GADL1: variants seen among roughly 807,000 people sequenced by gnomAD.
The protein encoded by GADL1 is acidic amino acid decarboxylase GADL1.
Under a neutral mutation model 69.5 loss-of-function variants are expected in GADL1, and 71 were observed. The observed-to-expected ratio is 1.02, with a 90% CI of 0.84 to 1.25. The LOEUF (loss-of-function observed/expected upper bound fraction) is 1.25. Ranked by LOEUF, GADL1 falls within the 50% of genes most tolerant of loss-of-function variation. GADL1 has a pLI of 0.00. For synonymous variants in GADL1, 254 were observed against 214.4 expected, an observed-to-expected ratio of 1.18 and a Z score of -1.62; for missense variants, 737 against 631.8, an observed-to-expected ratio of 1.17 and a Z score of -1.79.
intron 11 of GADL1, among the ~76,000 whole-genome samples, chr3:30,814,739 A>AT (rs1211397704): frequency 3.3e-5 from 5 of 152,136 alleles, no homozygotes; most frequent in Non-Finnish European, 7.4e-5. Context: ...ATTATTCTTG[A>AT]TTAAAAAAAA....
intron 12 of GADL1, among the ~76,000 whole-genome samples, chr3:30,790,389 A>G (rs903695900): frequency 1.3e-5 from 2 of 152,180 alleles, no homozygotes; most frequent in Non-Finnish European, 2.9e-5. Context: ...CCAAAACATA[A>G]CACAGACATA....
intron 1 of GADL1, among the ~76,000 whole-genome samples, chr3:30,869,926 G>A (rs1282775466): frequency 2.0e-5 from 3 of 151,838 alleles, no homozygotes; most frequent in Admixed American, 2.0e-4. Flanking sequence ...AGTTTGATAG[G>A]TGAAGTCAGA....
intron 1 of GADL1, among the ~76,000 whole-genome samples, chr3:30,885,605 T>A (rs1297329475): frequency 6.6e-6 from 1 of 152,038 alleles, no homozygotes; most frequent in Middle Eastern, 3.2e-3. Context: ...TACTTTTAAT[T>A]CCTAGGTGTA....
chr3:30,820,423 T>A (rs896950856), intron 11 of GADL1, among the ~76,000 whole-genome samples: 1 of 152,130 alleles, frequency 6.6e-6, no homozygotes, highest in Non-Finnish European at 1.5e-5. Context: ...AAAATGACAA[T>A]TTATACTGAT....
chr3:30,820,383 A>T (rs1450760734), intron 11 of GADL1, among the ~76,000 whole-genome samples: 1 of 152,134 alleles, frequency 6.6e-6, no homozygotes, highest in Admixed American at 6.6e-5. Context: ...TTATAATTGT[A>T]ACCAATATGA....
intron 12 of GADL1, chr3:30,800,327 T>A (rs1697134128): frequency 6.6e-6 from 1 of 152,596 alleles, no homozygotes; most frequent in Admixed American, 6.5e-5. Context: ...GATAAAACCA[T>A]CAGATCTTGT....
chr3:30,775,732 A>G (rs1215410207), intron 14 of GADL1, among the ~76,000 whole-genome samples: 1 of 152,184 alleles, frequency 6.6e-6, no homozygotes, highest in Non-Finnish European at 1.5e-5. Context: ...TTACTGTATG[A>G]TCATCCATTT....
In GADL1 at chr3:30,844,464, A is replaced by G; in HGVS notation, c.654T>C (p.Cys218=). ...AGGCTGCCTTCTTCATAGAGTAATG[A>G]CACTGAATTCAAAGGGACAGTGGGG... ...PRLILFTSAE[C]HYSMKKAASF... is the part of the protein sequence containing the mutation. Residue 218 remains cysteine (C), a splice_region_variant and synonymous_variant, in exon 7 of 15, where the codon TGT becomes TGC. Transcript: ENST00000282538. The G allele has an allele frequency of 6.2e-7, 1 of 1,604,372 alleles. No homozygotes were observed. The highest frequency in any genetic ancestry group is 1.7e-5 in the Admixed American group (1 of 59,992).
chr3:30,750,980 GAAAGAAGT>G (rs1199999524), intron 14 of GADL1, among the ~76,000 whole-genome samples: 1 of 152,146 alleles, frequency 6.6e-6, no homozygotes, highest in Non-Finnish European at 1.5e-5. Flanking sequence ...TGCTTTGAGA[GAAAGAAGT>G]AAAGAACTAT....
At chr3:30,749,159 G>A (rs1030207153) in intron 14 of GADL1, among the ~76,000 whole-genome samples, 5 of 152,202 alleles carry the variant, frequency 3.3e-5, no homozygotes, top group African/African-American at 1.2e-4. Context: ...CACATGGTCA[G>A]CCTGCCATTT....
chr3:30,868,765 A>T (rs1341043889), intron 1 of GADL1, among the ~76,000 whole-genome samples: 2 of 151,968 alleles, frequency 1.3e-5, no homozygotes, highest in Non-Finnish European at 2.9e-5. Flanking sequence ...GTAAAAGCCA[A>T]GTTTCCCATC....
intron 14 of GADL1, among the ~76,000 whole-genome samples, chr3:30,765,881 C>A (rs1438120003): frequency 6.6e-6 from 1 of 152,156 alleles, no homozygotes; most frequent in African/African-American, 2.4e-5. Flanking sequence ...TCTCTCGCCT[C>A]TAGCTTGACA....
chr3:30,776,637 T>C (rs1011822420), intron 14 of GADL1, among the ~76,000 whole-genome samples: 8 of 152,302 alleles, frequency 5.3e-5, no homozygotes, highest in African/African-American at 1.9e-4. Context: ...GTTTGAGCCA[T>C]GAATAAACAG....
intron 11 of GADL1, among the ~76,000 whole-genome samples, chr3:30,804,532 A>G (rs1001509539): frequency 6.6e-6 from 1 of 150,678 alleles, no homozygotes; most frequent in Non-Finnish European, 1.5e-5. Flanking sequence ...CCACCCCGAT[A>G]TCTCCCTTTA....
Position 30,861,625 on chromosome 3 carries a change from C to A in GADL1, c.178G>T (p.Val60Leu). 6.5e-7 allele frequency: 1 copy of A among 1,549,634 alleles called. No homozygotes were observed. The highest frequency in any genetic ancestry group is 8.7e-7 in the Non-Finnish European group (1 of 1,145,842). Reference sequence around the variant, plus strand: ...TTGACATCTGTAGCTTTCAAAACCACCTCTTCCATTATTAGCCTACAGGCC... The same window carrying A: ...TTGACATCTGTAGCTTTCAAAACCAACTCTTCCATTATTAGCCTACAGGCC... ...EEACRLIMEE[V>L]VLKATDVNEK... The change falls in exon 2 of 15, where the codon GTG becomes TTG. Residue 60 changes from valine (V) to leucine (L), a missense_variant. By Grantham distance (32) the Val-to-Leu change is conservative. Coordinates refer to ENST00000282538, the MANE Select transcript of GADL1 (RefSeq NM_207359.3).
intron 13 of GADL1, among the ~76,000 whole-genome samples, chr3:30,784,093 G>C (rs1696735690): frequency 6.6e-6 from 1 of 152,094 alleles, no homozygotes; most frequent in Non-Finnish European, 1.5e-5. Flanking sequence ...TAGGACTGCT[G>C]TTTCTCCCAT....
intron 1 of GADL1, among the ~76,000 whole-genome samples, chr3:30,872,122 T>C (rs901791287): frequency 6.6e-6 from 1 of 151,946 alleles, no homozygotes; most frequent in Non-Finnish European, 1.5e-5. Flanking sequence ...TCTTTTGAAC[T>C]TCTATAATGG....
chr3:30,765,112 T>C (rs1459878188), intron 14 of GADL1, among the ~76,000 whole-genome samples: 3 of 124,974 alleles, frequency 2.4e-5, no homozygotes, highest in African/African-American at 9.1e-5. Context: ...CTGCTAGATT[T>C]ACGCAAGACA....
chr3:30,768,157 A>G (rs988255950), intron 14 of GADL1, among the ~76,000 whole-genome samples: 3 of 152,104 alleles, frequency 2.0e-5, no homozygotes, highest in African/African-American at 7.2e-5. Flanking sequence ...TACAAAGCTA[A>G]TCAGGCTCAA....
Sources: allele counts gnomAD v4.1 joint callset (sites outside exome capture counted in the v4.1 genomes callset), GRCh38; gene constraint gnomAD v4.1.1; transcripts MANE v1.5; gene names NCBI Gene and HGNC (gene_info 2026-07-23, HGNC 2026-07-21).